Variants in TMEM50B observed in about 807,000 individuals in gnomAD.
TMEM50B encodes transmembrane protein 50B, also known as HCV p7-trans-regulated protein 3.
Under a neutral mutation model 23.4 loss-of-function variants are expected in TMEM50B, and 14 were observed. That is an observed-to-expected ratio of 0.60 (90% CI 0.39 to 0.93). The LOEUF (loss-of-function observed/expected upper bound fraction) is 0.93, where lower values mean the gene tolerates loss of function less well. Ranked by LOEUF, TMEM50B falls within the 40% of genes least tolerant of loss-of-function variation. The pLI is 0.00. For synonymous variants in TMEM50B, 64 were observed against 62.3 expected (o/e 1.03, Z -0.13); for missense variants, 159 against 193.0 (o/e 0.82, Z 1.04).
intron 7 of TMEM50B, among the ~76,000 whole-genome samples, chr21:33,443,053 C>T (rs895742096): frequency 6.6e-6 from 1 of 152,140 alleles, no homozygotes; most frequent in African/African-American, 2.4e-5. Context: ...TTCATTTCTA[C>T]ATTCAGGTGA....
chr21:33,457,047 G>C (rs990309185), intron 5 of TMEM50B, among the ~76,000 whole-genome samples: 1 of 152,082 alleles, frequency 6.6e-6, no homozygotes, highest in Non-Finnish European at 1.5e-5. Context: ...TTGAGGTCAG[G>C]AGTTTGAGAC....
At chr21:33,460,346 G>C (rs749858863) in intron 5 of TMEM50B, 67 bp downstream of exon 5, 91 of 976,960 alleles carry the variant, frequency 9.3e-5, no homozygotes, top group Non-Finnish European at 9.5e-5. Flanking sequence ...ACTCAAGGTA[G>C]AGTAAGCCAA....
intron 1 of TMEM50B, 133 bp downstream of exon 1, chr21:33,479,705 C>G (rs2123472439): frequency 6.6e-6 from 1 of 152,546 alleles, no homozygotes; most frequent in Admixed American, 6.5e-5. Flanking sequence ...CAGGGAAAAC[C>G]CGGCTGGACG....
chr21:33,478,919 C>A (rs192524480), intron 1 of TMEM50B: 2 of 430,670 alleles, frequency 4.6e-6, no homozygotes, highest in African/African-American at 4.2e-5. Context: ...GAGATGGGAT[C>A]CTCCGAAAAG....
intron 4 of TMEM50B, among the ~76,000 whole-genome samples, chr21:33,461,246 T>C (rs2834228): frequency 0.18 from 28,073 of 152,178 alleles, 3,169 homozygotes; most frequent in Non-Finnish European, 0.24. Flanking sequence ...AACAGAAAAC[T>C]AAATTTGCCT....
chr21:33,461,028 A>C (rs2084212720), intron 4 of TMEM50B, among the ~76,000 whole-genome samples: 1 of 152,208 alleles, frequency 6.6e-6, no homozygotes, highest in South Asian at 2.1e-4. Context: ...TCAAGATCAG[A>C]AGTATCTCTT....
chr21:33,451,036 G>A (rs1181242398), intron 6 of TMEM50B, among the ~76,000 whole-genome samples, 173 bp from the exon 7 acceptor site: 1 of 152,180 alleles, frequency 6.6e-6, no homozygotes, highest in Non-Finnish European at 1.5e-5. Context: ...AAAGCAGTCT[G>A]TTAACTACGA....
intron 1 of TMEM50B, chr21:33,478,754 A>T (rs758010211): frequency 5.0e-5 from 23 of 457,360 alleles, no homozygotes; most frequent in Middle Eastern, 6.7e-4. Context: ...TCTTCAGTTT[A>T]AAAAAAAAGT....
rs1302520179 is a variant in TMEM50B at position 33,459,192 on chromosome 21, A to C, written c.373+1221T>G. Among the ~76,000 whole-genome samples the C allele has an allele frequency of 2.6e-5, 4 of 152,252 alleles. No individual in the cohort carries two copies. In the East Asian group the frequency reaches 7.7e-4, roughly 29 times the overall value. On this transcript the variant is annotated intron_variant, in intron 5 of 6. Transcript: ENST00000542230. The stretch of plus-strand genomic sequence containing the variant: ...TCCGACGCTTCCAGAGACATTTCTG[A>C]AACTGGGTTCTATTTTTCATCACTA...
intron 1 of TMEM50B, among the ~76,000 whole-genome samples, chr21:33,476,175 C>T (rs2084368235): frequency 6.6e-6 from 1 of 152,088 alleles, no homozygotes; most frequent in South Asian, 2.1e-4. Context: ...GGGTGGATCC[C>T]CTGAGATCGG....
Position 33,453,416 on chromosome 21 carries a change from G to C in TMEM50B, c.431+2311C>G, listed in dbSNP as rs945941226. Among the ~76,000 whole-genome samples, 11 of 151,990 alleles carry C rather than the reference G, an allele frequency of 7.2e-5. No individual in the cohort carries two copies. In the South Asian group the frequency reaches 1.0e-3, roughly 14 times the overall value. ...AGATTAATTTTAAAATGTAACAATA[G>C]AAACTATCCAAACTGAAACACAAAC... is the stretch of plus-strand genomic sequence containing the variant. On this transcript the variant is annotated intron_variant, in intron 6 of 6. Coordinates refer to ENST00000542230, the MANE Select transcript of TMEM50B (RefSeq NM_006134.7).
chr21:33,451,522 G>A lies in TMEM50B; in HGVS notation c.432-659C>T, dbSNP rs139284785. On this transcript the variant is annotated intron_variant, in intron 6 of 6. Transcript: ENST00000542230. ...AGACCTAGTTAGAGAGGTCAGGAAA[G>A]GTTTTCCTGAGGAGTGGTGACTGAA... is the stretch of plus-strand genomic sequence containing the variant. 3.4e-3 allele frequency among the ~76,000 whole-genome samples: 525 copies of A among 152,298 alleles called. 2 individuals carry two copies. The highest frequency in any genetic ancestry group is 4.4e-3 in the Non-Finnish European group (298 of 68,028).
chr21:33,473,103 C>T, intron 1 of TMEM50B, among the ~76,000 whole-genome samples: 1 of 151,870 alleles, frequency 6.6e-6, no homozygotes. Flanking sequence ...TCACTTCTAA[C>T]CAGAACAAAG....
chr21:33,467,087 A>G lies in TMEM50B; in HGVS notation c.135T>C (p.Ala45=), dbSNP rs1440895427. The G allele has an allele frequency of 6.2e-7, 1 of 1,614,118 alleles. No homozygotes were observed. The highest frequency in any genetic ancestry group is 1.3e-5 in the African/African-American group (1 of 74,960). Residue 45 remains alanine, a synonymous_variant, in exon 3 of 7, where the codon GCT becomes GCC. Coordinates refer to ENST00000542230, the MANE Select transcript of TMEM50B (RefSeq NM_006134.7). ...FTGWWIMIDA[A]VVYPKPEQLN... ...ACTGTTCTGGCTTAGGATACACCAC[A>G]GCTGCATCAATCATTATCCACCAGC...
At chr21:33,470,791 G>A (rs1477829203) in intron 1 of TMEM50B, among the ~76,000 whole-genome samples, 3 of 151,920 alleles carry the variant, frequency 2.0e-5, no homozygotes, top group Admixed American at 6.6e-5. Flanking sequence ...TCAGGAGGCC[G>A]AAATAGGAGA....
rs2084096300 is a variant in TMEM50B, at chr21:33,449,350, G to GGA, written c.*1466_*1467dup. ...GCACAAGAAATCCTCTCAAGAGAGA[G>GGA]GAGAGGAGTGATGCCAAATGGGCTT... On this transcript the variant is annotated 3_prime_UTR_variant, in exon 7 of 7. Coordinates refer to ENST00000542230, the MANE Select transcript of TMEM50B (RefSeq NM_006134.7). The GGA allele has an allele frequency of 3.3e-5, 5 of 152,554 alleles. No homozygotes were observed. Among genetic ancestry groups the GGA allele is most frequent in the Admixed American group, 6.5e-5 (1 of 15,268 alleles). 9.5% of individuals were successfully genotyped at this position (152,554 alleles called of 1,614,324 possible).
chr21:33,450,812 G>A lies in TMEM50B; in HGVS notation c.*6C>T. ...ACAAAAGGAAAATGTGACTTAAGAA[G>A]TGATCTCAGGTCCATAGCTCTTCGG... On this transcript the variant is annotated 3_prime_UTR_variant, in exon 7 of 7. Transcript: ENST00000542230. 6.2e-7 allele frequency: 1 copy of A among 1,610,740 alleles called. No individual in the cohort carries two copies. Among genetic ancestry groups the A allele is most frequent in the Non-Finnish European group, 8.5e-7 (1 of 1,178,374 alleles).
At chr21:33,432,580 A>G in exon 9 of TMEM50B, 4 of 1,003,710 alleles carry the variant, frequency 4.0e-6, no homozygotes, top group Non-Finnish European at 6.3e-6. Flanking sequence ...ATACCAGGTG[A>G]GGGTGGGGGG....
In TMEM50B at chr21:33,436,754, A is replaced by T. The variant is rs1473469415; in HGVS notation, c.*2120+2460T>A. 6 of 1,237,962 alleles carry T rather than the reference A, an allele frequency of 4.8e-6. No homozygotes were observed. In the East Asian group the frequency reaches 9.6e-5, roughly 20 times the overall value. 76.7% of individuals were successfully genotyped at this position (1,237,962 alleles called of 1,614,324 possible). A position where few individuals can be genotyped will look rare whatever the true frequency, so the allele number is the denominator to read the frequency against. On this transcript the variant is annotated intron_variant and NMD_transcript_variant, in intron 8 of 8. Coordinates refer to the TMEM50B transcript ENST00000420455. ...ATAAAAATAAAAATAAAATAAAAACAAAAACTAAAGTTAAAAGGTCTGGTA... is the reference window on the plus strand; with the variant it reads ...ATAAAAATAAAAATAAAATAAAAACTAAAACTAAAGTTAAAAGGTCTGGTA...
Sources: gnomAD v4.1 joint callset for allele counts (sites outside exome capture counted in the v4.1 genomes callset) on GRCh38, gnomAD v4.1.1 for gene constraint, MANE v1.5 for transcripts, NCBI Gene and HGNC (gene_info 2026-07-23, HGNC 2026-07-21) for gene names.